Variants in PARP9 observed in about 807,000 individuals in gnomAD.
PARP9 encodes the protein poly(ADP-ribose) polymerase family member 9, also known as protein mono-ADP-ribosyltransferase PARP9.
Under a neutral mutation model 68.8 loss-of-function variants are expected in PARP9, and 48 were observed. The ratio of observed to expected loss-of-function variants is 0.70; its 90% CI spans 0.55 to 0.89. The LOEUF is 0.89. PARP9 is among the 40% of genes least tolerant of loss of function. The pLI is 0.00. For synonymous variants in PARP9, 309 were observed against 333.8 expected (o/e 0.93, Z 0.81); for missense variants, 806 against 969.3 (o/e 0.83, Z 2.24).
At chr3:122,539,635 A>G (rs1018847346) in intron 8 of PARP9, among the ~76,000 whole-genome samples, 2 of 150,176 alleles carry the variant, frequency 1.3e-5, no homozygotes. Context: ...ATCTTGGTTC[A>G]CTGCAACCTC....
intron 7 of PARP9, among the ~76,000 whole-genome samples, chr3:122,544,557 C>T (rs1326339550): frequency 6.6e-6 from 1 of 152,078 alleles, no homozygotes; most frequent in Non-Finnish European, 1.5e-5. Context: ...TGTTATATGC[C>T]TGTAATCCCA....
At chr3:122,554,335 T>G (rs553346087) in intron 4 of PARP9, among the ~76,000 whole-genome samples, 1 of 152,326 alleles carries the variant, frequency 6.6e-6, no homozygotes, top group Middle Eastern at 3.4e-3. Flanking sequence ...TTACATACTC[T>G]TAAGTATTAT....
chr3:122,556,130 GAAGAGAAGATTA>G lies in PARP9; in HGVS notation c.50-21_50-10del. ...TCCAAGAGCACCAGTCTCTGGAAAA[GAAGAGAAGATTA>G]AAAAAAAAAAAAAAAAAAAAAAAAA... is the stretch of plus-strand genomic sequence containing the variant. On this transcript the variant is annotated splice_polypyrimidine_tract_variant and intron_variant, in intron 3 of 10. Transcript: ENST00000682323. 6 of 189,792 alleles carry G rather than the reference GAAGAGAAGATTA, an allele frequency of 3.2e-5. No homozygotes were observed. The highest frequency in any genetic ancestry group is 1.2e-4 in the South Asian group (2 of 16,596). The allele number at this position is 189,792 out of a possible 1,614,324, so 11.8% of individuals were successfully genotyped here.
In PARP9 at chr3:122,556,141, T is replaced by TAAAACAAA. The variant is rs2079623399; in HGVS notation, c.50-21_50-20insTTTGTTTT. 1 of 193,584 alleles carries TAAAACAAA rather than the reference T, an allele frequency of 5.2e-6. No individual in the cohort carries two copies. Among genetic ancestry groups the TAAAACAAA allele is most frequent in the Non-Finnish European group, 8.4e-6 (1 of 119,342 alleles). 12.0% of individuals were successfully genotyped at this position (193,584 alleles called of 1,614,324 possible). A position where few individuals can be genotyped will look rare whatever the true frequency, so the allele number is the denominator to read the frequency against. On this transcript the variant is annotated intron_variant, in intron 3 of 10. Coordinates refer to ENST00000682323, the MANE Select transcript of PARP9 (RefSeq NM_001146105.2). ...CAGTCTCTGGAAAAGAAGAGAAGAT[T>TAAAACAAA]AAAAAAAAAAAAAAAAAAAAAAAAA...
At chr3:122,539,493 T>G (rs528906450) in intron 8 of PARP9, among the ~76,000 whole-genome samples, 45 of 151,606 alleles carry the variant, frequency 3.0e-4, no homozygotes, top group African/African-American at 1.0e-3. Flanking sequence ...TCTATCTCTA[T>G]CTCCCAAGAT....
rs1235015641 is a variant in PARP9 at position 122,536,269 on chromosome 3, T to C, written c.1979A>G (p.His660Arg). The change falls in exon 10 of 11, where the codon CAC (histidine) becomes CGC (arginine). Residue 660 changes from histidine to arginine, a missense_variant. This residue lies in a region of PARP9 where 680 missense variants were observed against 858.8 expected (regional missense o/e 0.79). Coordinates refer to ENST00000682323, the MANE Select transcript of PARP9 (RefSeq NM_001146105.2). The stretch of plus-strand genomic sequence containing the variant: ...CAGCCTATGGCTCACAGGTTGCCTG[T>C]GCAGTTTTTCTTCCATCATTTTCTT... Reference protein sequence around the residue: ...RKKKMMEEKLHRQPVSHRLFQ... With the variant: ...RKKKMMEEKLRRQPVSHRLFQ... The C allele has an allele frequency of 2.5e-6, 4 of 1,614,190 alleles. No homozygotes were observed. Among genetic ancestry groups the C allele is most frequent in the Non-Finnish European group, 3.4e-6 (4 of 1,180,022 alleles).
At chr3:122,543,775 C>G (rs1401585440) in intron 7 of PARP9, among the ~76,000 whole-genome samples, 1 of 151,974 alleles carries the variant, frequency 6.6e-6, no homozygotes, top group Non-Finnish European at 1.5e-5. Context: ...CCACACCTGG[C>G]TAATTTTTGT....
intron 10 of PARP9, chr3:122,535,649 T>C: frequency 1.0e-6 from 1 of 986,184 alleles, no homozygotes; most frequent in Non-Finnish European, 1.2e-6. Flanking sequence ...AGAACTCCTA[T>C]GGATGAAGAG....
chr3:122,541,141 C>T (rs1390234733), intron 7 of PARP9, among the ~76,000 whole-genome samples: 2 of 152,180 alleles, frequency 1.3e-5, no homozygotes, highest in Non-Finnish European at 2.9e-5. Context: ...CTGCCTGCCT[C>T]GGCCTCCCAC....
At chr3:122,549,215 C>G (rs530109899) in intron 6 of PARP9, among the ~76,000 whole-genome samples, 1 of 152,212 alleles carries the variant, frequency 6.6e-6, no homozygotes, top group Non-Finnish European at 1.5e-5. Context: ...GGGATTTCAT[C>G]ATGTTAGCTA....
Position 122,550,778 on chromosome 3 carries a change from A to G in PARP9, c.1132T>C (p.Cys378Arg), listed in dbSNP as rs1215313546. The change falls in exon 6 of 11, where the codon TGT becomes CGT. Residue 378 changes from cysteine to arginine, a missense_variant. By Grantham distance (180) the Cys-to-Arg change is radical. This residue lies in a region of PARP9 where 680 missense variants were observed against 858.8 expected (regional missense o/e 0.79). Coordinates refer to ENST00000682323, the MANE Select transcript of PARP9 (RefSeq NM_001146105.2). ...PQILKHAMKECLEKCIEQNIT... is the reference protein window; with the variant it reads ...PQILKHAMKERLEKCIEQNIT... ...TTTTGCTCAATGCATTTTTCCAAACACTCCTTCATTGCATGTTTTAATATC... is the reference window on the plus strand; with the variant it reads ...TTTTGCTCAATGCATTTTTCCAAACGCTCCTTCATTGCATGTTTTAATATC... 6.2e-7 allele frequency: 1 copy of G among 1,613,582 alleles called. No homozygotes were observed. Among genetic ancestry groups the G allele is most frequent in the African/African-American group, 1.3e-5 (1 of 74,840 alleles).
chr3:122,557,354 A>G (rs2079786506), intron 3 of PARP9, among the ~76,000 whole-genome samples: 2 of 152,362 alleles, frequency 1.3e-5, no homozygotes, highest in South Asian at 4.1e-4. Flanking sequence ...AGTTCAGTAA[A>G]TAATTCTTTA....
At chr3:122,536,067 TC>T in intron 10 of PARP9, 100 bp downstream of exon 10, 2 of 1,596,142 alleles carry the variant, frequency 1.3e-6, no homozygotes, top group South Asian at 2.2e-5. Flanking sequence ...TCACAAATGA[TC>T]CCTTCCCCAC....
At position 122,555,877 on chromosome 3, in the gene PARP9, A is replaced by C. The variant is rs1417201940; in HGVS notation, c.294T>G (p.Asp98Glu). The change falls in exon 4 of 11, where the codon GAT (aspartate) becomes GAG (glutamate). Residue 98 changes from aspartate (D) to glutamate (E), a missense_variant. This residue lies in a region of PARP9 where 126 missense variants were observed against 110.5 expected (regional missense o/e 1.14). Transcript: ENST00000682323. ...CTTCATTGGCTGCATTCACCACAGCATCAACAGCATGTGTGGTGAGGTCAT... is the reference window on the plus strand; with the variant it reads ...CTTCATTGGCTGCATTCACCACAGCCTCAACAGCATGTGTGGTGAGGTCAT... ...WKDDLTTHAV[D>E]AVVNAANEDL... The C allele has an allele frequency of 1.2e-6, 2 of 1,613,988 alleles. No homozygotes were observed. The highest frequency in any genetic ancestry group is 8.5e-7 in the Non-Finnish European group (1 of 1,180,024).
chr3:122,564,340 A>G, upstream of PARP9: 1 of 1,442,566 alleles, frequency 6.9e-7, no homozygotes, highest in Non-Finnish European at 9.3e-7. Flanking sequence ...GCGAAACTGA[A>G]ACTTTGCGCC....
At chr3:122,564,680 C>G, upstream of PARP9, 1 of 1,534,970 alleles carries the variant, frequency 6.5e-7, no homozygotes. Flanking sequence ...CCAGGCGGAC[C>G]CAGTTCCAGC....
chr3:122,552,717 G>T, intron 4 of PARP9, 78 bp from the exon 5 acceptor site: 1 of 1,064,244 alleles, frequency 9.4e-7, no homozygotes, highest in Non-Finnish European at 1.4e-6. Context: ...TTACTTCCCT[G>T]AAGAGCTTTG....
rs377456121 is a variant in PARP9 at position 122,555,337 on chromosome 3, G to T, written c.834C>A (p.Val278=). Residue 278 remains valine (V), a synonymous_variant, in exon 4 of 11, where the codon GTC becomes GTA. Coordinates refer to ENST00000682323, the MANE Select transcript of PARP9 (RefSeq NM_001146105.2). ...QETTPSFNAM[V]VNNLTLQIVQ... ...CAATCTGGAGGGTCAGGTTGTTCAC[G>T]ACCATTGCATTGAAAGAAGGGGTGG... 6.2e-7 allele frequency: 1 copy of T among 1,613,934 alleles called. No homozygotes were observed. Among genetic ancestry groups the T allele is most frequent in the African/African-American group, 1.3e-5 (1 of 74,922 alleles).
rs182522578 is a variant in PARP9, at chr3:122,543,705, G to A, written c.1384+1727C>T. Among the ~76,000 whole-genome samples the A allele has an allele frequency of 1.1e-4, 17 of 152,240 alleles. No homozygotes were observed. In the East Asian group the frequency reaches 1.2e-3, roughly 10 times the overall value. ...GGCTCACTGCAGCCTTGACCTCCCC[G>A]GGCTTAGGTGATCCTCCCATCTCAG... is the stretch of plus-strand genomic sequence containing the variant. On this transcript the variant is annotated intron_variant, in intron 7 of 10. Transcript: ENST00000682323.
Sources: allele counts gnomAD v4.1 joint callset (sites outside exome capture counted in the v4.1 genomes callset), GRCh38; gene constraint gnomAD v4.1.1; regional missense constraint gnomAD v4.1.1; transcripts MANE v1.5; gene names NCBI Gene and HGNC (gene_info 2026-07-23, HGNC 2026-07-21).